The following KCNIP4 variants were observed in gnomAD, a reference collection of about 807,000 sequenced individuals.
The protein encoded by KCNIP4 is potassium voltage-gated channel interacting protein 4.
In KCNIP4, 12 loss-of-function variants were observed where a neutral mutation model predicts 34.0. The observed-to-expected ratio is 0.35, with a 90% confidence interval of 0.23 to 0.57. The LOEUF is 0.57. Ranked by LOEUF, KCNIP4 falls within the 20% of genes least tolerant of loss-of-function variation. The pLI, the probability that KCNIP4 is intolerant of heterozygous loss-of-function variation, is 0.83. For missense variants in KCNIP4, 238 were observed against 311.7 expected (o/e 0.76, Z 1.78); for synonymous variants, 124 against 102.2 (o/e 1.21, Z -1.29).
chr4:21,531,301 TCTC>T (rs1325632355), intron 1 of KCNIP4, among the ~76,000 whole-genome samples: 1 of 151,318 alleles, frequency 6.6e-6, no homozygotes, highest in East Asian at 2.0e-4. Flanking sequence ...TTTCTCTCTC[TCTC>T]TTTTCTTCCT....
chr4:20,975,289 T>G (rs1735370123), intron 1 of KCNIP4, among the ~76,000 whole-genome samples: 1 of 152,242 alleles, frequency 6.6e-6, no homozygotes, highest in Non-Finnish European at 1.5e-5. Flanking sequence ...CTCAATGTAG[T>G]GCAACAGTCT....
chr4:21,769,822 C>T (rs547333247), intron 1 of KCNIP4, among the ~76,000 whole-genome samples: 1 of 151,952 alleles, frequency 6.6e-6, no homozygotes, highest in Non-Finnish European at 1.5e-5. Context: ...AAATTCTGTT[C>T]GTCAATAAAA....
In KCNIP4 at chr4:21,284,858, T is replaced by C. The variant is rs576876552; in HGVS notation, c.62-402149A>G. 1.3e-4 allele frequency among the ~76,000 whole-genome samples: 19 copies of C among 151,998 alleles called. No individual in the cohort carries two copies. The South Asian group carries it at 3.9e-3, about 32-fold the overall frequency. ...CTTGGGGGTGCCCACTTCTGGGGGATGAACACACCCACCGGGAGAAGGGAT... is the reference window on the plus strand; with the variant it reads ...CTTGGGGGTGCCCACTTCTGGGGGACGAACACACCCACCGGGAGAAGGGAT... On this transcript the variant is annotated intron_variant, in intron 1 of 8. Coordinates refer to ENST00000382152, the MANE Select transcript of KCNIP4 (RefSeq NM_025221.6).
chr4:21,011,339 A>G (rs1472487292), intron 1 of KCNIP4, among the ~76,000 whole-genome samples: 7 of 152,286 alleles, frequency 4.6e-5, no homozygotes, highest in African/African-American at 1.7e-4. Context: ...TCTTCTGATC[A>G]CTGAGTCATA....
At chr4:20,950,008 T>TAATA (rs539865553) in intron 1 of KCNIP4, among the ~76,000 whole-genome samples, 35 of 141,610 alleles carry the variant, frequency 2.5e-4, no homozygotes, top group South Asian at 2.2e-3. Context: ...TAAAGTATAA[T>TAATA]AATAAATAAA....
chr4:21,383,661 T>C (rs1021853471), intron 1 of KCNIP4, among the ~76,000 whole-genome samples: 14 of 152,198 alleles, frequency 9.2e-5, no homozygotes, highest in Non-Finnish European at 1.6e-4. Context: ...TAGATTTATC[T>C]ATTACATTGT....
chr4:20,937,220 G>GTTTTTT (rs1157766416), intron 1 of KCNIP4, among the ~76,000 whole-genome samples: 1 of 105,142 alleles, frequency 9.5e-6, no homozygotes, highest in Non-Finnish European at 1.9e-5. Flanking sequence ...CCCCCAAGGA[G>GTTTTTT]TCTTTTTTTT....
chr4:20,806,914 A>G (rs956090061), intron 3 of KCNIP4, among the ~76,000 whole-genome samples: 9 of 152,170 alleles, frequency 5.9e-5, no homozygotes, highest in African/African-American at 1.9e-4. Context: ...CATAAACAAA[A>G]TGACAGAGCC....
At chr4:20,945,906 G>A (rs1008907619) in intron 1 of KCNIP4, among the ~76,000 whole-genome samples, 4 of 152,094 alleles carry the variant, frequency 2.6e-5, no homozygotes, top group Non-Finnish European at 5.9e-5. Flanking sequence ...TTTAAATCAT[G>A]GCAGTCGCTC....
chr4:21,489,406 T>C lies in KCNIP4; in HGVS notation c.61+459165A>G, dbSNP rs142240205. 2.7e-3 allele frequency among the ~76,000 whole-genome samples: 416 copies of C among 152,000 alleles called. 1 individual carries two copies. The highest frequency in any genetic ancestry group is 9.8e-3 in the African/African-American group (406 of 41,488). On this transcript the variant is annotated intron_variant, in intron 1 of 8. Coordinates refer to ENST00000382152, the MANE Select transcript of KCNIP4 (RefSeq NM_025221.6). ...AGTAGGGCCTTGCCATGTTGAGTTC[T>C]CCAATGACTTTTCAAAAAACCTTTA...
At chr4:21,749,399 T>C (rs1265799123) in intron 1 of KCNIP4, among the ~76,000 whole-genome samples, 1 of 152,178 alleles carries the variant, frequency 6.6e-6, no homozygotes, top group Non-Finnish European at 1.5e-5. Context: ...TGGGTCTACC[T>C]AGACGGTTAC....
At chr4:20,869,766 C>T (rs1723248406) in intron 2 of KCNIP4, among the ~76,000 whole-genome samples, 1 of 152,046 alleles carries the variant, frequency 6.6e-6, no homozygotes. Flanking sequence ...TTATTGCATA[C>T]ATACTAATTG....
intron 1 of KCNIP4, among the ~76,000 whole-genome samples, chr4:21,860,661 A>T (rs1227350203): frequency 1.6e-5 from 1 of 61,408 alleles, no homozygotes; most frequent in Non-Finnish European, 6.4e-5. Flanking sequence ...ATTTCTACTG[A>T]TACTAAAAAA....
chr4:21,437,897 G>T (rs1367998751), intron 1 of KCNIP4, among the ~76,000 whole-genome samples: 2 of 151,002 alleles, frequency 1.3e-5, no homozygotes, highest in African/African-American at 4.9e-5. Flanking sequence ...GTGTGTGTGT[G>T]TGTGTGTGTG....
intron 1 of KCNIP4, among the ~76,000 whole-genome samples, chr4:21,440,190 C>A (rs897989381): frequency 2.0e-5 from 3 of 152,216 alleles, no homozygotes; most frequent in Non-Finnish European, 4.4e-5. Context: ...ATTAATAGTA[C>A]AAGCCATACA....
intron 5 of KCNIP4, 104 bp from the exon 6 acceptor site, chr4:20,734,839 AT>A: frequency 1.8e-6 from 1 of 568,562 alleles, no homozygotes; most frequent in South Asian, 2.7e-5. Flanking sequence ...GATCTTGAAC[AT>A]TTAGCAAAAT....
chr4:21,628,443 T>C (rs945627739), intron 1 of KCNIP4, among the ~76,000 whole-genome samples: 17 of 152,162 alleles, frequency 1.1e-4, no homozygotes, highest in Admixed American at 4.6e-4. Flanking sequence ...TGCTGGTACT[T>C]GACATATGCT....
chr4:21,578,562 A>T (rs1357123925), intron 1 of KCNIP4, among the ~76,000 whole-genome samples: 1 of 152,124 alleles, frequency 6.6e-6, no homozygotes, highest in African/African-American at 2.4e-5. Flanking sequence ...TAAATAATTT[A>T]AATATGGCAT....
At chr4:21,092,479 C>A (rs999150508) in intron 1 of KCNIP4, among the ~76,000 whole-genome samples, 1 of 152,120 alleles carries the variant, frequency 6.6e-6, no homozygotes, top group Non-Finnish European at 1.5e-5. Context: ...TATATCTGTT[C>A]TGTTTTGCAA....
Sources: allele counts gnomAD v4.1 joint callset (sites outside exome capture counted in the v4.1 genomes callset), GRCh38; gene constraint gnomAD v4.1.1; transcripts MANE v1.5; gene names NCBI Gene and HGNC (gene_info 2026-07-23, HGNC 2026-07-21).